The following CAMK4 variants were observed in gnomAD, a reference collection of about 807,000 sequenced individuals.
The protein encoded by CAMK4 is calcium/calmodulin dependent protein kinase IV, also known as calcium/calmodulin-dependent protein kinase type IV.
Under a neutral mutation model 44.9 loss-of-function variants are expected in CAMK4, and 22 were observed. The ratio of observed to expected loss-of-function variants is 0.49; its 90% CI spans 0.35 to 0.70. The LOEUF is 0.70. Among genes scored for constraint, CAMK4 ranks in the 30% least tolerant of loss-of-function variants. The probability of loss-of-function intolerance (pLI) is 0.01; values close to 1 mark genes in which losing one functional copy is unlikely to be tolerated. For missense variants in CAMK4, 498 were observed against 586.8 expected (o/e 0.85, Z 1.56); for synonymous variants, 218 against 215.4 (o/e 1.01, Z -0.11).
Position 111,468,234 on chromosome 5 carries a change from G to A in CAMK4, c.626-5077G>A, listed in dbSNP as rs548915668. Among the ~76,000 whole-genome samples the A allele has an allele frequency of 7.4e-4, 112 of 152,250 alleles. No homozygotes were observed. The Middle Eastern group carries it at 0.014, about 19-fold the overall frequency. On this transcript the variant is annotated intron_variant, in intron 7 of 10. Transcript: ENST00000282356. ...ATTGGGTACAGTGTACAATGCTCAG[G>A]TGATGGGTACACCAAAATCTCAGAA...
chr5:111,415,597 G>A (rs1752787226), intron 5 of CAMK4, among the ~76,000 whole-genome samples: 1 of 152,190 alleles, frequency 6.6e-6, no homozygotes. Context: ...ATAGGTTTCA[G>A]TATTATCCAT....
intron 1 of CAMK4, among the ~76,000 whole-genome samples, chr5:111,335,644 G>A (rs1282582385): frequency 6.6e-6 from 1 of 151,282 alleles, no homozygotes; most frequent in East Asian, 2.0e-4. Flanking sequence ...CCTAAATGTG[G>A]TAGCAGTGGG....
intron 1 of CAMK4, among the ~76,000 whole-genome samples, chr5:111,314,167 A>G (rs759478296): frequency 7.9e-5 from 12 of 152,092 alleles, no homozygotes; most frequent in Non-Finnish European, 1.3e-4. Flanking sequence ...GCTGGTACCT[A>G]GAGTGGAGTT....
intron 2 of CAMK4, among the ~76,000 whole-genome samples, chr5:111,368,385 T>C (rs1479141134): frequency 6.6e-6 from 1 of 152,100 alleles, no homozygotes; most frequent in Non-Finnish European, 1.5e-5. Context: ...CCCCAGGAAT[T>C]TGGAAAGGGA....
intron 1 of CAMK4, among the ~76,000 whole-genome samples, chr5:111,335,576 G>A (rs763137442): frequency 3.3e-4 from 50 of 151,426 alleles, no homozygotes; most frequent in Non-Finnish European, 5.2e-4. Flanking sequence ...TGAATTAGGC[G>A]TGAGGAGCAT....
intron 6 of CAMK4, among the ~76,000 whole-genome samples, chr5:111,448,520 T>G (rs138475409): frequency 3.9e-5 from 6 of 152,254 alleles, no homozygotes; most frequent in Non-Finnish European, 7.4e-5. Context: ...TAAGAAAAAA[T>G]AGCTTGGCTG....
At chr5:111,420,168 A>C in intron 5 of CAMK4, among the ~76,000 whole-genome samples, 1 of 151,188 alleles carries the variant, frequency 6.6e-6, no homozygotes, top group South Asian at 2.1e-4. Context: ...CATCCCTTGT[A>C]AGTTGGATTC....
chr5:111,486,541 A>G lies in CAMK4; in HGVS notation c.*2075A>G, dbSNP rs905325494. 5.9e-5 allele frequency: 8 copies of G among 135,518 alleles called. 1 individual carries two copies. Among genetic ancestry groups the G allele is most frequent in the Non-Finnish European group, 1.1e-4 (7 of 64,742 alleles). The allele number at this position is 135,518 out of a possible 1,614,324, so 8.4% of individuals were successfully genotyped here. ...CACACACACACACACACACACACAC[A>G]CGTGTTGGAAGAGCAAAGAGAGGGA... On this transcript the variant is annotated 3_prime_UTR_variant, in exon 11 of 11. Coordinates refer to ENST00000282356, the MANE Select transcript of CAMK4 (RefSeq NM_001744.6).
chr5:111,339,422 T>C (rs1749545343), intron 1 of CAMK4, among the ~76,000 whole-genome samples: 1 of 151,320 alleles, frequency 6.6e-6, no homozygotes, highest in African/African-American at 2.4e-5. Flanking sequence ...GAGATAAGGG[T>C]CTTATTTCAT....
intron 2 of CAMK4, among the ~76,000 whole-genome samples, chr5:111,351,568 G>A (rs1026351858): frequency 2.6e-5 from 4 of 151,488 alleles, no homozygotes; most frequent in Admixed American, 6.6e-5. Context: ...ACCACACCCG[G>A]CTAATTTTTG....
intron 5 of CAMK4, among the ~76,000 whole-genome samples, chr5:111,442,611 A>G (rs1005160749): frequency 1.4e-4 from 21 of 149,948 alleles, no homozygotes; most frequent in Non-Finnish European, 1.3e-4. Flanking sequence ...ATACCAGACA[A>G]TGCAGAAGCA....
intron 7 of CAMK4, among the ~76,000 whole-genome samples, chr5:111,452,843 G>T (rs1754283194): frequency 6.6e-6 from 1 of 152,282 alleles, no homozygotes; most frequent in South Asian, 2.1e-4. Context: ...TCAGGAAAAA[G>T]TAGTTTGCCA....
chr5:111,378,197 A>T (rs1200794665), intron 4 of CAMK4, among the ~76,000 whole-genome samples: 1 of 152,106 alleles, frequency 6.6e-6, no homozygotes. Context: ...CTATGTAAGG[A>T]CACAGCAAGA....
In CAMK4 at chr5:111,308,710, A is replaced by G. The variant is rs549645346; in HGVS notation, c.162-35314A>G. Among the ~76,000 whole-genome samples the G allele has an allele frequency of 7.2e-5, 11 of 152,340 alleles. No homozygotes were observed. The East Asian group carries it at 1.5e-3, about 21-fold the overall frequency. ...ATGTAAAATTCTCCTAGAATCATTT[A>G]TGTTATGGAAAACAATAGCTTATTA... On this transcript the variant is annotated intron_variant, in intron 1 of 10. Coordinates refer to ENST00000282356, the MANE Select transcript of CAMK4 (RefSeq NM_001744.6).
intron 2 of CAMK4, among the ~76,000 whole-genome samples, chr5:111,345,325 C>T (rs570628996): frequency 6.6e-6 from 1 of 151,940 alleles, no homozygotes; most frequent in South Asian, 2.1e-4. Context: ...TTGGTGTAGG[C>T]AATGATTTAA....
chr5:111,301,026 G>A (rs540281314), intron 1 of CAMK4, among the ~76,000 whole-genome samples: 8 of 151,660 alleles, frequency 5.3e-5, no homozygotes, highest in Admixed American at 3.9e-4. Context: ...GAACTGACCC[G>A]TAAGTGAAGT....
At chr5:111,317,898 T>TAAAAAAAAAAAAAAAAAAAAAAAAA (rs3066636) in intron 1 of CAMK4, among the ~76,000 whole-genome samples, 2 of 69,816 alleles carry the variant, frequency 2.9e-5, no homozygotes, top group African/African-American at 5.2e-5. Context: ...GAGTAATATG[T>TAAAAAAAAAAAAAAAAAAAAAAAAA]AAAAAAAAAA....
At chr5:111,363,254 A>C (rs1750665125) in intron 2 of CAMK4, among the ~76,000 whole-genome samples, 1 of 152,112 alleles carries the variant, frequency 6.6e-6, no homozygotes, top group Non-Finnish European at 1.5e-5. Context: ...ACATGAAAAA[A>C]TGTCATGTAG....
intron 1 of CAMK4, among the ~76,000 whole-genome samples, chr5:111,301,334 G>A (rs1747710658): frequency 6.6e-6 from 1 of 152,208 alleles, no homozygotes; most frequent in East Asian, 1.9e-4. Flanking sequence ...ATATAAATAT[G>A]TATGTTTAAT....
Sources: allele counts gnomAD v4.1 joint callset (sites outside exome capture counted in the v4.1 genomes callset), GRCh38; gene constraint gnomAD v4.1.1; transcripts MANE v1.5; gene names NCBI Gene and HGNC (gene_info 2026-07-23, HGNC 2026-07-21).